Variants in RALYL observed in about 807,000 individuals in gnomAD.
The protein encoded by RALYL is RNA-binding Raly-like protein.
A neutral mutation model predicts 35.1 loss-of-function variants in RALYL; 29 were observed. The ratio of observed to expected loss-of-function variants is 0.83; its 90% CI spans 0.61 to 1.13. The LOEUF (loss-of-function observed/expected upper bound fraction) is 1.13. Among genes scored for constraint, RALYL ranks in the 50% most tolerant of loss-of-function variants. The pLI, the probability that RALYL is intolerant of heterozygous loss-of-function variation, is 0.00. For synonymous variants in RALYL, 120 were observed against 127.6 expected, an observed-to-expected ratio of 0.94 and a Z score of 0.40; for missense variants, 359 against 360.4, an observed-to-expected ratio of 1.00 and a Z score of 0.03.
At chr8:84,524,296 G>A (rs933763805) in intron 1 of RALYL, among the ~76,000 whole-genome samples, 2 of 152,132 alleles carry the variant, frequency 1.3e-5, no homozygotes, top group Admixed American at 6.5e-5. Flanking sequence ...CGAAGGACAT[G>A]AACAGACATT....
At chr8:84,449,583 T>G (rs1456334802) in intron 1 of RALYL, among the ~76,000 whole-genome samples, 1 of 151,998 alleles carries the variant, frequency 6.6e-6, no homozygotes, top group Non-Finnish European at 1.5e-5. Context: ...GAAGCTTTGC[T>G]CCCCCTGAGA....
intron 1 of RALYL, among the ~76,000 whole-genome samples, chr8:84,219,055 G>C (rs932947339): frequency 6.6e-6 from 1 of 152,050 alleles, no homozygotes; most frequent in Admixed American, 6.6e-5. Context: ...ACTAAAACCT[G>C]AAGGTAGTTA....
chr8:84,841,441 A>G (rs1245279782), intron 4 of RALYL, among the ~76,000 whole-genome samples: 1 of 152,000 alleles, frequency 6.6e-6, no homozygotes, highest in Non-Finnish European at 1.5e-5. Flanking sequence ...ATATGCACCC[A>G]ATACAGGAGC....
intron 2 of RALYL, among the ~76,000 whole-genome samples, chr8:84,683,200 T>C (rs997063686): frequency 2.0e-5 from 3 of 152,218 alleles, no homozygotes. Flanking sequence ...CACTGTGGTC[T>C]GAGAGACAGT....
chr8:84,469,458 T>G (rs182967654), intron 1 of RALYL, among the ~76,000 whole-genome samples: 116 of 152,276 alleles, frequency 7.6e-4, no homozygotes, highest in South Asian at 3.5e-3. Flanking sequence ...GCTGCTCGGG[T>G]GTCAGGGGAC....
intron 8 of RALYL, among the ~76,000 whole-genome samples, chr8:84,907,777 T>G (rs1021928062): frequency 5.9e-5 from 9 of 152,096 alleles, no homozygotes; most frequent in African/African-American, 1.9e-4. Flanking sequence ...CACTAAACTT[T>G]AGTTCACTCT....
At chr8:84,226,583 T>C (rs1823932917) in intron 1 of RALYL, among the ~76,000 whole-genome samples, 2 of 144,700 alleles carry the variant, frequency 1.4e-5, no homozygotes, top group South Asian at 2.2e-4. Flanking sequence ...TATACATATA[T>C]GAAATAAATG....
intron 1 of RALYL, among the ~76,000 whole-genome samples, chr8:84,196,552 TAA>T (rs1182731646): frequency 1.3e-5 from 2 of 152,246 alleles, no homozygotes; most frequent in Non-Finnish European, 2.9e-5. Context: ...TTTTTTGTGC[TAA>T]GTCTTTGATA....
At chr8:84,218,939 C>T (rs1821509169) in intron 1 of RALYL, among the ~76,000 whole-genome samples, 1 of 152,088 alleles carries the variant, frequency 6.6e-6, no homozygotes, top group Non-Finnish European at 1.5e-5. Context: ...TCCTTTTAAA[C>T]TCTTCCAAAG....
chr8:84,905,720 A>G (rs1189637249), intron 8 of RALYL, among the ~76,000 whole-genome samples: 2 of 146,060 alleles, frequency 1.4e-5, no homozygotes, highest in Non-Finnish European at 3.0e-5. Context: ...TTTTTGAGAC[A>G]GAGTCTTGCT....
At chr8:84,524,496 G>GT (rs1394000504) in intron 1 of RALYL, among the ~76,000 whole-genome samples, 24 of 152,184 alleles carry the variant, frequency 1.6e-4, no homozygotes, top group East Asian at 5.8e-4. Context: ...CTTTTACACT[G>GT]TTTTTTATTT....
intron 1 of RALYL, among the ~76,000 whole-genome samples, chr8:84,522,231 C>A (rs929516634): frequency 1.3e-5 from 2 of 149,376 alleles, no homozygotes; most frequent in Middle Eastern, 3.6e-3. Flanking sequence ...GCTTTATACA[C>A]AAAATGATAG....
intron 1 of RALYL, among the ~76,000 whole-genome samples, chr8:84,276,829 T>C (rs1835478806): frequency 6.6e-6 from 1 of 152,248 alleles, no homozygotes; most frequent in African/African-American, 2.4e-5. Context: ...AAAACTAATA[T>C]TTGTTAATCT....
intron 1 of RALYL, among the ~76,000 whole-genome samples, chr8:84,251,599 C>T (rs143472742): frequency 0.017 from 2,522 of 152,008 alleles, 24 homozygotes; most frequent in Middle Eastern, 0.048. Flanking sequence ...ATATATTTGT[C>T]CTTGAGTGTA....
At chr8:84,228,383 T>C (rs1157288250) in intron 1 of RALYL, among the ~76,000 whole-genome samples, 1 of 149,082 alleles carries the variant, frequency 6.7e-6, no homozygotes, top group African/African-American at 2.5e-5. Context: ...TTAATTCAAG[T>C]ACACTTGACC....
At chr8:84,331,345 C>T (rs193120031) in intron 1 of RALYL, among the ~76,000 whole-genome samples, 250 of 152,186 alleles carry the variant, frequency 1.6e-3, no homozygotes, top group African/African-American at 5.8e-3. Context: ...GTATAAGGCT[C>T]ATCTTATGTT....
At chr8:84,660,839 A>G (rs1830764364) in intron 2 of RALYL, among the ~76,000 whole-genome samples, 2 of 152,112 alleles carry the variant, frequency 1.3e-5, no homozygotes, top group Non-Finnish European at 2.9e-5. Context: ...TTTGAAAAGA[A>G]AGTTTGGATT....
At chr8:84,523,569 G>T (rs1153027) in intron 1 of RALYL, among the ~76,000 whole-genome samples, 1 of 151,332 alleles carries the variant, frequency 6.6e-6, no homozygotes, top group East Asian at 1.9e-4. Flanking sequence ...CATTGTGCAG[G>T]TTAGTTACAT....
intron 1 of RALYL, among the ~76,000 whole-genome samples, chr8:84,300,408 T>C (rs976931129): frequency 2.0e-5 from 3 of 152,018 alleles, no homozygotes; most frequent in Non-Finnish European, 2.9e-5. Flanking sequence ...TAGGAATGTA[T>C]ATTTTGTTGT....
Sources: allele counts gnomAD v4.1 joint callset (sites outside exome capture counted in the v4.1 genomes callset), GRCh38; gene constraint gnomAD v4.1.1; transcripts MANE v1.5; gene names NCBI Gene and HGNC (gene_info 2026-07-23, HGNC 2026-07-21).